The following TSPAN1 variants were observed in gnomAD, a reference collection of about 807,000 sequenced individuals.
The protein encoded by TSPAN1 is tetraspanin 1.
Under a neutral mutation model 26.9 loss-of-function variants are expected in TSPAN1, and 23 were observed. The observed-to-expected ratio is 0.85, with a 90% CI of 0.62 to 1.21. The LOEUF (loss-of-function observed/expected upper bound fraction) is 1.21, where lower values mean the gene tolerates loss of function less well. Ranked by LOEUF, TSPAN1 falls within the 50% of genes most tolerant of loss-of-function variation. The probability of loss-of-function intolerance (pLI) is 0.00; values close to 1 mark genes in which losing one functional copy is unlikely to be tolerated. For synonymous variants in TSPAN1, 115 were observed against 114.8 expected, an observed-to-expected ratio of 1.00 and a Z score of -0.01; for missense variants, 283 against 298.4, an observed-to-expected ratio of 0.95 and a Z score of 0.38.
chr1:46,195,757 G>A, the TSPAN1 span: 1 of 1,491,844 alleles, frequency 6.7e-7, no homozygotes, highest in Non-Finnish European at 9.1e-7. Context: ...GCCGGGGCTA[G>A]AAGCAGGGTT....
the TSPAN1 span, chr1:46,194,995 G>C: frequency 1.2e-6 from 2 of 1,604,036 alleles, no homozygotes; most frequent in Non-Finnish European, 1.7e-6. Flanking sequence ...AGCCTGACTG[G>C]CATGGTTCCA....
At chr1:46,192,334 C>G in the TSPAN1 span, 2 of 1,614,076 alleles carry the variant, frequency 1.2e-6, no homozygotes, top group African/African-American at 2.7e-5. Context: ...CACTTGGGCT[C>G]AAGCTCCTCC....
chr1:46,195,788 AGG>A, the TSPAN1 span: 37 of 1,563,362 alleles, frequency 2.4e-5, no homozygotes, highest in Non-Finnish European at 3.2e-5. Context: ...AGTAGGGGTC[AGG>A]GTCAGGACAG....
At chr1:46,196,079 TAC>T in the TSPAN1 span, 1 of 1,613,986 alleles carries the variant, frequency 6.2e-7, no homozygotes. The surrounding 1 kb of genome is among the most constrained non-coding windows in gnomAD (Gnocchi z 4.4). Context: ...CTCCAGCACC[TAC>T]ACAGTGGCAG....
At chr1:46,179,964 A>AATGT (rs1553161856) in intron 1 of TSPAN1, among the ~76,000 whole-genome samples, 1 of 146,788 alleles carries the variant, frequency 6.8e-6, no homozygotes, top group East Asian at 2.0e-4. Flanking sequence ...AGAAAGAGGG[A>AATGT]GTGTGTGTGT....
downstream of TSPAN1, chr1:46,188,844 C>T (rs757216968): frequency 1.9e-6 from 3 of 1,612,924 alleles, no homozygotes; most frequent in South Asian, 3.3e-5. Context: ...GGGTTGGGCA[C>T]AGCAGTTTCC....
the TSPAN1 span, chr1:46,195,776 G>A: frequency 3.2e-6 from 5 of 1,544,266 alleles, no homozygotes; most frequent in Non-Finnish European, 4.4e-6. Context: ...TTGGAGCTAG[G>A]GAGTAGGGGT....
downstream of TSPAN1, chr1:46,190,800 G>A (rs10493123): frequency 4.1e-3 from 6,505 of 1,603,762 alleles, 176 homozygotes; most frequent in African/African-American, 0.064. Flanking sequence ...GTGGGTATGA[G>A]AGTGAAAATC....
At chr1:46,191,113 CAGGA>C in the TSPAN1 span, 1 of 364,850 alleles carries the variant, frequency 2.7e-6, no homozygotes, top group Non-Finnish European at 5.3e-6. Context: ...ACAGGCCCTG[CAGGA>C]GGTGGTGGGC....
chr1:46,189,744 A>G (rs568116338), downstream of TSPAN1: 8 of 1,568,334 alleles, frequency 5.1e-6, no homozygotes, highest in East Asian at 9.1e-5. Context: ...CTAAGAGTAT[A>G]AAGAGGAGGT....
the TSPAN1 span, chr1:46,192,576 G>T: frequency 6.2e-7 from 1 of 1,614,126 alleles, no homozygotes; most frequent in East Asian, 2.2e-5. Context: ...TAGGTGGATG[G>T]ATTGGCTCAG....
the TSPAN1 span, chr1:46,193,738 G>A: frequency 6.3e-7 from 1 of 1,599,892 alleles, no homozygotes; most frequent in Non-Finnish European, 8.5e-7. Flanking sequence ...CTTACCCACA[G>A]AGGTGAATGC....
chr1:46,189,112 A>T, downstream of TSPAN1: 4 of 1,496,208 alleles, frequency 2.7e-6, no homozygotes, highest in Admixed American at 9.7e-5. Context: ...GTGTTGGAGC[A>T]GGGGAACCCT....
downstream of TSPAN1, chr1:46,190,008 G>A (rs1657629432): frequency 6.2e-7 from 1 of 1,612,410 alleles, no homozygotes; most frequent in Non-Finnish European, 8.5e-7. Context: ...GAGGGTGGGA[G>A]AATATAGCCA....
chr1:46,185,402 C>T (rs1657408065), intron 8 of TSPAN1, 84 bp from the exon 9 acceptor site: 1 of 1,607,548 alleles, frequency 6.2e-7, no homozygotes, highest in African/African-American at 1.3e-5. Flanking sequence ...AGACTTCTAA[C>T]TGGGCCTCAG....
chr1:46,184,823 C>T lies in TSPAN1; in HGVS notation c.378C>T (p.Ile126=), dbSNP rs928027063. 1.7e-5 allele frequency: 28 copies of T among 1,614,082 alleles called. No individual in the cohort carries two copies. Among genetic ancestry groups the T allele is most frequent in the Admixed American group, 8.3e-5 (5 of 60,000 alleles). The part of the protein sequence containing the change: ...HFLTLLVVPA[I]KKDYGSQEDF... ...TGACGTTGCTGGTAGTGCCTGCCAT[C>T]AAGAAAGATTATGGTTCCCAGGAAG... Residue 126 remains isoleucine (I), a synonymous_variant, in exon 6 of 9, where the codon ATC becomes ATT. Coordinates refer to ENST00000372003, the MANE Select transcript of TSPAN1 (RefSeq NM_005727.4).
the TSPAN1 span, chr1:46,193,050 C>T: frequency 5.0e-6 from 8 of 1,600,794 alleles, no homozygotes; most frequent in Non-Finnish European, 6.8e-6. Flanking sequence ...GGCAGCATTA[C>T]CCCCATTTTC....
the TSPAN1 span, chr1:46,195,541 C>T: frequency 2.0e-6 from 1 of 507,034 alleles, no homozygotes; most frequent in Non-Finnish European, 3.6e-6. Flanking sequence ...TTTCTGTTGA[C>T]CTCCCACTGC....
At chr1:46,189,378 T>C, downstream of TSPAN1, 1 of 1,613,934 alleles carries the variant, frequency 6.2e-7, no homozygotes, top group Non-Finnish European at 8.5e-7. Context: ...AATACAAGAA[T>C]GTATAGAGAA....
Sources: gnomAD v4.1 joint callset for allele counts (sites outside exome capture counted in the v4.1 genomes callset) on GRCh38, gnomAD v4.1.1 for gene constraint, Gnocchi (gnomAD v3.1) non-coding constraint, MANE v1.5 for transcripts, NCBI Gene and HGNC (gene_info 2026-07-23, HGNC 2026-07-21) for gene names.